The following ZIM2 variants were observed in gnomAD, a reference collection of about 807,000 sequenced individuals.
ZIM2 encodes zinc finger protein 656.
ZIM2 carries 14 observed loss-of-function variants against 38.6 expected under a neutral mutation model. That is an observed-to-expected ratio of 0.36 (90% CI 0.24 to 0.57). The LOEUF is 0.57. Among genes scored for constraint, ZIM2 ranks in the 20% least tolerant of loss-of-function variants. ZIM2 has a pLI of 0.81. For synonymous variants in ZIM2, 247 were observed against 245.8 expected (o/e 1.00, Z -0.04); for missense variants, 680 against 695.1 (o/e 0.98, Z 0.24).
At chr19:56,822,584 G>T in intron 6 of ZIM2, 169 bp downstream of exon 6, 1 of 785,884 alleles carries the variant, frequency 1.3e-6, no homozygotes, top group Non-Finnish European at 2.0e-6. Context: ...TGTGCTGGTG[G>T]TACCGAGTGG....
chr19:56,812,638 T>C (rs1257702880), intron 9 of ZIM2: 7 of 985,684 alleles, frequency 7.1e-6, no homozygotes, highest in Non-Finnish European at 8.4e-6. Context: ...GATGAAAGGT[T>C]ATTAGCCTGC....
At chr19:56,802,522 G>T (rs1211082479) in intron 9 of ZIM2, among the ~76,000 whole-genome samples, 1 of 152,160 alleles carries the variant, frequency 6.6e-6, no homozygotes, top group African/African-American at 2.4e-5. Context: ...ATTAGTGTAA[G>T]ATTTAAGGAC....
intron 9 of ZIM2, chr19:56,811,529 A>C (rs983149038): frequency 1.0e-6 from 1 of 985,242 alleles, no homozygotes; most frequent in Non-Finnish European, 1.2e-6. Flanking sequence ...ATTTGTTACT[A>C]CCTTTTCACT....
At chr19:56,780,444 A>G (rs547262335) in intron 11 of ZIM2, among the ~76,000 whole-genome samples, 195 of 152,112 alleles carry the variant, frequency 1.3e-3, no homozygotes, top group African/African-American at 4.6e-3. Context: ...GGGTTTCACC[A>G]TGTTGGCCAG....
At chr19:56,779,913 G>A (rs981589199) in intron 11 of ZIM2, among the ~76,000 whole-genome samples, 3 of 152,286 alleles carry the variant, frequency 2.0e-5, no homozygotes, top group East Asian at 3.9e-4. Flanking sequence ...CTGGGATAAC[G>A]TCCACTGCCC....
intron 1 of ZIM2, 25 bp from the exon 2 acceptor site, chr19:56,836,129 AC>A: frequency 2.2e-6 from 1 of 455,154 alleles, no homozygotes; most frequent in Non-Finnish European, 4.4e-6. Context: ...AAAATGTGAG[AC>A]GCCAAGTTTA....
intron 9 of ZIM2, chr19:56,817,009 T>G (rs898396338): frequency 5.0e-6 from 8 of 1,613,848 alleles, no homozygotes; most frequent in Non-Finnish European, 6.8e-6. Context: ...CTCATAGAGG[T>G]TCTCTCTAGT....
intron 3 of ZIM2, among the ~76,000 whole-genome samples, 165 bp downstream of exon 3, chr19:56,826,223 C>T (rs1251618152): frequency 6.6e-6 from 1 of 152,196 alleles, no homozygotes; most frequent in Non-Finnish European, 1.5e-5. Context: ...GTCACTCTAA[C>T]CCAGGACAGG....
chr19:56,775,223 T>C lies in ZIM2; in HGVS notation c.1142A>G (p.His381Arg), dbSNP rs1449577034. The change falls in exon 13 of 13, where the codon CAT becomes CGT. Residue 381 changes from histidine (H) to arginine (R), a missense_variant. Physicochemically the swap from His to Arg is conservative, Grantham distance 29. Transcript: ENST00000629319. ...ACATTCATAGGGTTTCTTCCCAGTA[T>C]GGATCCGTTCGTGTCTCCTAAGGGC... ...QVALRRHERIHTGKKPYECKQ... is the reference protein window; with the variant it reads ...QVALRRHERIRTGKKPYECKQ... 6 of 1,614,180 alleles carry C rather than the reference T, an allele frequency of 3.7e-6. No homozygotes were observed. The Admixed American group carries it at 5.0e-5, about 13-fold the overall frequency.
chr19:56,836,592 G>A (rs1223518882), intron 1 of ZIM2, among the ~76,000 whole-genome samples: 1 of 152,182 alleles, frequency 6.6e-6, no homozygotes, highest in African/African-American at 2.4e-5. Context: ...GGTCCCTGGG[G>A]GAAGGACCTT....
chr19:56,833,390 CTTCTT>C, intron 2 of ZIM2: 1 of 347,318 alleles, frequency 2.9e-6, no homozygotes, highest in African/African-American at 2.1e-5. Flanking sequence ...TCTCGTCTCT[CTTCTT>C]GTTTGCTCCA....
intron 9 of ZIM2, chr19:56,816,403 T>C (rs2059981882): frequency 2.5e-6 from 4 of 1,613,776 alleles, no homozygotes; most frequent in African/African-American, 2.7e-5. Context: ...CTTCTCCTTA[T>C]TGTAAGTTTT....
intron 4 of ZIM2, among the ~76,000 whole-genome samples, chr19:56,823,891 C>T (rs908292197): frequency 1.3e-5 from 2 of 152,140 alleles, no homozygotes; most frequent in Non-Finnish European, 2.9e-5. Context: ...GTGACCACCC[C>T]GACCTCACCC....
chr19:56,816,055 G>A (rs2059948994), intron 9 of ZIM2: 2 of 1,599,386 alleles, frequency 1.3e-6, no homozygotes, highest in East Asian at 2.2e-5. Context: ...TGGTTTACTG[G>A]GCCCTGCTAC....
chr19:56,806,105 A>G (rs1157940147), intron 9 of ZIM2, among the ~76,000 whole-genome samples: 2 of 152,210 alleles, frequency 1.3e-5, no homozygotes, highest in African/African-American at 2.4e-5. Context: ...TGCAAATGAC[A>G]AAACAAATAG....
chr19:56,781,679 A>G (rs1193921720), intron 11 of ZIM2, among the ~76,000 whole-genome samples: 1 of 152,164 alleles, frequency 6.6e-6, no homozygotes, highest in African/African-American at 2.4e-5. Context: ...AACAATAAGT[A>G]TACCTCCCCC....
chr19:56,839,810 T>C (rs1397151589), intron 1 of ZIM2, among the ~76,000 whole-genome samples: 1 of 151,090 alleles, frequency 6.6e-6, no homozygotes, highest in Non-Finnish European at 1.5e-5. Flanking sequence ...TCATAAAAGA[T>C]GGCACCCAGT....
At chr19:56,800,567 T>G (rs1196097568) in intron 9 of ZIM2, among the ~76,000 whole-genome samples, 4 of 152,096 alleles carry the variant, frequency 2.6e-5, no homozygotes, top group Non-Finnish European at 5.9e-5. Flanking sequence ...TATTTAAAAG[T>G]TATTTATTTA....
chr19:56,810,065 A>G, intron 9 of ZIM2: 1 of 716,942 alleles, frequency 1.4e-6, no homozygotes, highest in Non-Finnish European at 1.7e-6. Context: ...AAAACAGACA[A>G]AAGAGACTGA....
Sources: gnomAD v4.1 joint callset for allele counts (sites outside exome capture counted in the v4.1 genomes callset) on GRCh38, gnomAD v4.1.1 for gene constraint, MANE v1.5 for transcripts, NCBI Gene and HGNC (gene_info 2026-07-23, HGNC 2026-07-21) for gene names.